ACER1: variants seen among roughly 807,000 people sequenced by gnomAD.
The protein encoded by ACER1 is CTB-180A7.3.
A neutral mutation model predicts 24.9 loss-of-function variants in ACER1; 28 were observed. The observed-to-expected ratio is 1.13, with a 90% confidence interval of 0.83 to 1.54. ACER1 has a LOEUF of 1.54. ACER1 is among the 40% of genes most tolerant of loss of function. The pLI, the probability that ACER1 is intolerant of heterozygous loss-of-function variation, is 0.00. For missense variants in ACER1, 352 were observed against 349.3 expected, an observed-to-expected ratio of 1.01 and a Z score of -0.06; for synonymous variants, 132 against 131.4, an observed-to-expected ratio of 1.00 and a Z score of -0.03.
rs1236770473 is a variant in ACER1 at position 6,307,239 on chromosome 19, C to T, written c.540G>A (p.Trp180Ter). Residue 180 changes from tryptophan to a stop codon, truncating the protein, a stop_gained, in exon 5 of 6, where the codon TGG becomes TGA. Transcript: ENST00000301452. LOFTEE classifies it high-confidence loss of function. ...TGATCCAGCTGGTCAGAGCAACAGC[C>T]CATAAAACCACGGAGACCTCAATCA... ...RHLIEVSVVLWAVALTSWISD... is the reference protein window; with the variant it reads ...RHLIEVSVVL 1 of 1,614,064 alleles carries T rather than the reference C, an allele frequency of 6.2e-7. No homozygotes were observed. The highest frequency in any genetic ancestry group is 8.5e-7 in the Non-Finnish European group (1 of 1,180,022).
At position 6,332,265 on chromosome 19, in the gene ACER1, C is replaced by G. The variant is rs998663117; in HGVS notation, c.93+1194G>C. Among the ~76,000 whole-genome samples the G allele has an allele frequency of 9.1e-5, 12 of 131,700 alleles. No homozygotes were observed. The East Asian group carries it at 2.4e-3, about 27-fold the overall frequency. The allele number at this position is 131,700 out of a possible 152,430, so 86.4% of individuals were successfully genotyped here. On this transcript the variant is annotated intron_variant, in intron 1 of 5. Coordinates refer to ENST00000301452, the MANE Select transcript of ACER1 (RefSeq NM_133492.3). ...TACAGGCGTGAGCCTCCGCGCCCGG[C>G]CTTTTTTTTTTTTTTTTTTTTTTGA... is the stretch of plus-strand genomic sequence containing the variant.
intron 1 of ACER1, among the ~76,000 whole-genome samples, chr19:6,327,588 TAATAAAATAAA>T (rs981596905): frequency 6.7e-6 from 1 of 149,946 alleles, no homozygotes; most frequent in African/African-American, 2.4e-5. Context: ...AAATAAATAA[TAATAAAATAAA>T]AATAAAATAA....
intron 1 of ACER1, among the ~76,000 whole-genome samples, chr19:6,314,589 G>A (rs746345506): frequency 1.4e-4 from 21 of 152,074 alleles, no homozygotes; most frequent in Admixed American, 3.3e-4. Context: ...TGTCTGAGCC[G>A]CGACAAGTCT....
chr19:6,345,876 A>G, the ACER1 span, among the ~76,000 whole-genome samples: 1 of 150,972 alleles, frequency 6.6e-6, no homozygotes, highest in African/African-American at 2.4e-5. Context: ...CATCCAGCTA[A>G]TTTTATTATA....
the ACER1 span, among the ~76,000 whole-genome samples, chr19:6,357,976 G>C: frequency 1.3e-5 from 2 of 152,172 alleles, no homozygotes; most frequent in East Asian, 3.8e-4. Flanking sequence ...GCCATCCCAC[G>C]TCAGAGGCAG....
intron 1 of ACER1, among the ~76,000 whole-genome samples, chr19:6,316,045 T>A (rs921041580): frequency 1.3e-5 from 2 of 152,020 alleles, no homozygotes; most frequent in African/African-American, 4.8e-5. Context: ...GGAGAATCAC[T>A]TGAATCTGGG....
intron 4 of ACER1, among the ~76,000 whole-genome samples, chr19:6,307,618 TAA>T (rs575533649): frequency 1.3e-4 from 17 of 127,396 alleles, no homozygotes; most frequent in Admixed American, 1.6e-4. Context: ...ACCCCATCTC[TAA>T]AAAAAAAAAA....
chr19:6,330,169 C>T (rs1332087595), intron 1 of ACER1, among the ~76,000 whole-genome samples: 2 of 126,582 alleles, frequency 1.6e-5, no homozygotes, highest in African/African-American at 6.3e-5. Context: ...CCACGCCCGG[C>T]TAATTTTTAA....
At chr19:6,324,322 G>A (rs768830774) in intron 1 of ACER1, among the ~76,000 whole-genome samples, 2 of 150,372 alleles carry the variant, frequency 1.3e-5, no homozygotes, top group Non-Finnish European at 3.0e-5. Context: ...GGGATTACAG[G>A]CATGAGCCAC....
the ACER1 span, among the ~76,000 whole-genome samples, chr19:6,347,038 T>G: frequency 7.0e-6 from 1 of 143,348 alleles, no homozygotes; most frequent in Non-Finnish European, 1.5e-5. Flanking sequence ...AAGGAGGGAG[T>G]ATCGCTTGAG....
the ACER1 span, among the ~76,000 whole-genome samples, chr19:6,357,059 T>TG: frequency 6.6e-6 from 1 of 150,688 alleles, no homozygotes; most frequent in Non-Finnish European, 1.5e-5. Flanking sequence ...TTTTTTTTTT[T>TG]TTTGAGATGG....
chr19:6,316,819 CAAA>C (rs1167612498), intron 1 of ACER1, among the ~76,000 whole-genome samples: 9 of 84,800 alleles, frequency 1.1e-4, no homozygotes, highest in Admixed American at 2.7e-4. Flanking sequence ...GACTCCCTCT[CAAA>C]AAAAAAAAAA....
At chr19:6,340,724 T>C in the ACER1 span, among the ~76,000 whole-genome samples, 134 of 152,036 alleles carry the variant, frequency 8.8e-4, no homozygotes, top group Non-Finnish European at 1.6e-3. Flanking sequence ...CCGGAGAACT[T>C]GAGTGATCAT....
At chr19:6,356,722 TAA>T in the ACER1 span, among the ~76,000 whole-genome samples, 151 of 141,740 alleles carry the variant, frequency 1.1e-3, 1 homozygote, top group Middle Eastern at 3.6e-3. Flanking sequence ...ATACTGCATG[TAA>T]AAAAAAAAAA....
chr19:6,357,842 GT>G, the ACER1 span, among the ~76,000 whole-genome samples: 1 of 152,114 alleles, frequency 6.6e-6, no homozygotes, highest in South Asian at 2.1e-4. Context: ...TCACAGTGAC[GT>G]GGGTGATACT....
upstream of ACER1, among the ~76,000 whole-genome samples, chr19:6,337,753 G>A (rs1334849743): frequency 1.2e-4 from 16 of 128,520 alleles, no homozygotes; most frequent in East Asian, 4.0e-3. Context: ...TTGGCTCACT[G>A]CAAGCTCCGC....
chr19:6,309,186 A>G (rs1220669582), intron 4 of ACER1, among the ~76,000 whole-genome samples: 1 of 151,716 alleles, frequency 6.6e-6, no homozygotes, highest in African/African-American at 2.4e-5. Flanking sequence ...AGACAGAGAG[A>G]GACTCTGTCT....
the ACER1 span, among the ~76,000 whole-genome samples, chr19:6,348,148 T>C: frequency 6.6e-6 from 1 of 151,642 alleles, no homozygotes; most frequent in African/African-American, 2.4e-5. Context: ...TGCAGCTGGA[T>C]GACATTTCTG....
intron 1 of ACER1, among the ~76,000 whole-genome samples, chr19:6,324,483 C>T (rs182478044): frequency 4.4e-4 from 67 of 151,128 alleles, no homozygotes; most frequent in African/African-American, 1.5e-3. Context: ...CTCTGCCAGG[C>T]GAGGTGGCTC....
Sources: gnomAD v4.1 joint callset for allele counts (sites outside exome capture counted in the v4.1 genomes callset) on GRCh38, gnomAD v4.1.1 for gene constraint, MANE v1.5 for transcripts, NCBI Gene and HGNC (gene_info 2026-07-23, HGNC 2026-07-21) for gene names.